Variants in PPP1R12B observed in about 807,000 individuals in gnomAD.
PPP1R12B encodes protein phosphatase 1 regulatory subunit 12B.
In PPP1R12B, 76 loss-of-function variants were observed where a neutral mutation model predicts 126.1. That is an observed-to-expected ratio of 0.60 (90% confidence interval 0.50 to 0.73). PPP1R12B has a LOEUF of 0.73. Among genes scored for constraint, PPP1R12B ranks in the 30% least tolerant of loss-of-function variants. PPP1R12B has a pLI of 0.00. For missense variants in PPP1R12B, 1,052 were observed against 1,205.1 expected, an observed-to-expected ratio of 0.87 and a Z score of 1.88; for synonymous variants, 356 against 434.7, an observed-to-expected ratio of 0.82 and a Z score of 2.25.
intron 18 of PPP1R12B, among the ~76,000 whole-genome samples, chr1:202,499,228 G>A (rs1394832553): frequency 6.6e-6 from 1 of 152,072 alleles, no homozygotes; most frequent in Non-Finnish European, 1.5e-5. Context: ...AGAATTGAAT[G>A]GAAAAGATAG....
At chr1:202,394,077 G>T (rs1034514154) in intron 1 of PPP1R12B, among the ~76,000 whole-genome samples, 1 of 152,022 alleles carries the variant, frequency 6.6e-6, no homozygotes, top group African/African-American at 2.4e-5. Flanking sequence ...GGTGGCTCAC[G>T]CCTGTAATCC....
chr1:202,560,664 T>C (rs531910950), intron 19 of PPP1R12B, among the ~76,000 whole-genome samples: 1 of 152,236 alleles, frequency 6.6e-6, no homozygotes, highest in Non-Finnish European at 1.5e-5. Context: ...GCCAGCCTCC[T>C]ATCTCATTCA....
chr1:202,559,964 CT>C (rs1687354397), intron 19 of PPP1R12B, among the ~76,000 whole-genome samples: 1 of 152,080 alleles, frequency 6.6e-6, no homozygotes, highest in African/African-American at 2.4e-5. Flanking sequence ...GAAGCACTAG[CT>C]CAAGAATAAA....
chr1:202,537,288 A>G (rs1294879285), intron 18 of PPP1R12B, among the ~76,000 whole-genome samples: 1 of 151,924 alleles, frequency 6.6e-6, no homozygotes, highest in Non-Finnish European at 1.5e-5. Context: ...CGGGAGGCGG[A>G]GCTTGCAGTG....
intron 18 of PPP1R12B, among the ~76,000 whole-genome samples, chr1:202,548,800 C>CTATATA (rs1685963363): frequency 9.5e-6 from 1 of 104,738 alleles, no homozygotes; most frequent in Non-Finnish European, 2.1e-5. Flanking sequence ...CTCTCTCTCT[C>CTATATA]TCTCTCTCTA....
Position 202,482,899 on chromosome 1 carries a change from C to G in PPP1R12B, c.1851-5634C>G, listed in dbSNP as rs1041607381. 1.9e-4 allele frequency among the ~76,000 whole-genome samples: 29 copies of G among 152,208 alleles called. 1 individual carries two copies. Among genetic ancestry groups the G allele is most frequent in the Non-Finnish European group, 7.3e-5 (5 of 68,042 alleles). Reference sequence around the variant, plus strand: ...TGGGTTTCCATGTTAAGTCTCTAATCTACTTTGAATTGATTCTTGTATGTG... The same window carrying G: ...TGGGTTTCCATGTTAAGTCTCTAATGTACTTTGAATTGATTCTTGTATGTG... On this transcript the variant is annotated intron_variant, in intron 13 of 23. Transcript: ENST00000608999.
chr1:202,559,379 A>C (rs540209185), intron 19 of PPP1R12B, among the ~76,000 whole-genome samples: 66 of 152,308 alleles, frequency 4.3e-4, no homozygotes, highest in African/African-American at 1.6e-3. Context: ...TTAATAGTGG[A>C]TCCAACAAAA....
intron 13 of PPP1R12B, among the ~76,000 whole-genome samples, chr1:202,456,917 A>C (rs986028938): frequency 1.3e-5 from 2 of 152,196 alleles, no homozygotes; most frequent in Non-Finnish European, 2.9e-5. Flanking sequence ...TAAAACATAA[A>C]CACTGAAGGT....
intron 1 of PPP1R12B, among the ~76,000 whole-genome samples, chr1:202,401,546 ATTTTG>A (rs56400830): frequency 0.46 from 69,896 of 150,844 alleles, 16,538 homozygotes; most frequent in Middle Eastern, 0.62. Context: ...CTCACAGTAT[ATTTTG>A]TTTTATTAAT....
intron 1 of PPP1R12B, among the ~76,000 whole-genome samples, chr1:202,352,706 G>A (rs1656247207): frequency 6.6e-6 from 1 of 152,018 alleles, no homozygotes; most frequent in African/African-American, 2.4e-5. Context: ...GGTCAACATT[G>A]CAAAATCCCG....
rs1655384659 is a variant in PPP1R12B at position 202,348,827 on chromosome 1, G to T, written c.-25G>T. The stretch of plus-strand genomic sequence containing the variant: ...ACAGTAATTTAGTGTTGGTAGTTTT[G>T]GCAGCAGCTGCCGAGGCCGGAGCAA... On this transcript the variant is annotated 5_prime_UTR_variant, in exon 1 of 24. Coordinates refer to ENST00000608999, the MANE Select transcript of PPP1R12B (RefSeq NM_002481.4). The T allele has an allele frequency of 6.3e-7, 1 of 1,593,216 alleles. No homozygotes were observed. Among genetic ancestry groups the T allele is most frequent in the African/African-American group, 1.4e-5 (1 of 73,966 alleles).
intron 18 of PPP1R12B, among the ~76,000 whole-genome samples, chr1:202,532,186 G>A (rs1309480729): frequency 6.6e-6 from 1 of 152,178 alleles, no homozygotes; most frequent in African/African-American, 2.4e-5. Flanking sequence ...TGTCACTGGT[G>A]GGAGTGTCTC....
intron 17 of PPP1R12B, 53 bp downstream of exon 17, chr1:202,495,735 C>A: frequency 6.7e-7 from 1 of 1,492,990 alleles, no homozygotes; most frequent in Non-Finnish European, 9.3e-7. Flanking sequence ...GGTCACCATT[C>A]TTTCAGTTGA....
intron 18 of PPP1R12B, among the ~76,000 whole-genome samples, chr1:202,537,362 AAAAAAG>A (rs1224508107): frequency 6.6e-6 from 1 of 152,094 alleles, no homozygotes. Context: ...TCAAAAAAAA[AAAAAAG>A]AAAAAGTAAA....
chr1:202,521,459 CAGA>C (rs1682779490), intron 18 of PPP1R12B, among the ~76,000 whole-genome samples: 1 of 152,002 alleles, frequency 6.6e-6, no homozygotes, highest in East Asian at 1.9e-4. Flanking sequence ...AATATATGTA[CAGA>C]AGAAGTTAGA....
chr1:202,571,303 A>G lies in PPP1R12B; in HGVS notation c.2862+2106A>G, dbSNP rs544590025. ...AGTTCTTTCCTTTCCTCAAGAGATT[A>G]TAAGATACGAAAGTGTTTGCTCTCC... On this transcript the variant is annotated intron_variant, in intron 23 of 23. Transcript: ENST00000608999. 2.0e-5 allele frequency among the ~76,000 whole-genome samples: 3 copies of G among 152,342 alleles called. No individual in the cohort carries two copies. The South Asian group carries it at 6.2e-4, about 32-fold the overall frequency.
At chr1:202,550,032 G>T (rs1294539974) in intron 18 of PPP1R12B, among the ~76,000 whole-genome samples, 1 of 152,092 alleles carries the variant, frequency 6.6e-6, no homozygotes, top group South Asian at 2.1e-4. Flanking sequence ...TCAGATTCCT[G>T]TTTATTGCAA....
chr1:202,488,106 G>T (rs886270831), intron 13 of PPP1R12B, among the ~76,000 whole-genome samples: 3 of 152,140 alleles, frequency 2.0e-5, no homozygotes, highest in African/African-American at 7.2e-5. Context: ...CTTGCACTTT[G>T]GGGCCATTAT....
chr1:202,391,154 G>T (rs1364300355), intron 1 of PPP1R12B, among the ~76,000 whole-genome samples: 1 of 151,860 alleles, frequency 6.6e-6, no homozygotes, highest in Non-Finnish European at 1.5e-5. Flanking sequence ...AATATATAAA[G>T]AACTTTAATA....
Sources: allele counts gnomAD v4.1 joint callset (sites outside exome capture counted in the v4.1 genomes callset), GRCh38; gene constraint gnomAD v4.1.1; transcripts MANE v1.5; gene names NCBI Gene and HGNC (gene_info 2026-07-23, HGNC 2026-07-21).